Variants in ATG7 observed in about 807,000 individuals in gnomAD.
ATG7 encodes the protein autophagy related 7, also known as ubiquitin-like modifier-activating enzyme ATG7.
A neutral mutation model predicts 82.4 loss-of-function variants in ATG7; 70 were observed. The observed-to-expected ratio is 0.85, with a 90% CI of 0.70 to 1.04. The LOEUF is 1.04. Among genes scored for constraint, ATG7 ranks in the 50% least tolerant of loss-of-function variants. The pLI is 0.00. For missense variants in ATG7, 792 were observed against 864.3 expected (o/e 0.92, Z 1.05); for synonymous variants, 287 against 313.0 (o/e 0.92, Z 0.88).
intron 3 of ATG7, among the ~76,000 whole-genome samples, chr3:11,287,004 C>T (rs975102583): frequency 2.0e-5 from 3 of 152,114 alleles, no homozygotes; most frequent in Non-Finnish European, 4.4e-5. Flanking sequence ...TGCCCCCAAG[C>T]AGTCCTCCTG....
chr3:11,358,406 G>C lies in ATG7; in HGVS notation c.1285-12G>C, dbSNP rs751302304. ...TTGCTCCAGACATAACTACGTCCTG[G>C]TGTTTCCCTAGAATGCCAGAGGATT... On this transcript the variant is annotated splice_polypyrimidine_tract_variant and intron_variant, in intron 14 of 20. Coordinates refer to ENST00000693202, the MANE Select transcript of ATG7 (RefSeq NM_001349232.2). 1 of 1,609,010 alleles carries C rather than the reference G, an allele frequency of 6.2e-7. No homozygotes were observed.
the ATG7 span, among the ~76,000 whole-genome samples, chr3:11,574,783 A>ATGTGTGTGTGTG: frequency 2.0e-3 from 222 of 111,802 alleles, no homozygotes; most frequent in South Asian, 3.3e-3. Flanking sequence ...ATTCAACTAT[A>ATGTGTGTGTGTG]TATGTGTGTG....
chr3:11,440,673 G>GTTTTTTTTTTTTT (rs2083836620), intron 20 of ATG7, among the ~76,000 whole-genome samples: 1 of 32,708 alleles, frequency 3.1e-5, no homozygotes, highest in African/African-American at 1.1e-4. Context: ...GTCCCCATTT[G>GTTTTTTTTTTTTT]CTTTTTTTTT....
intron 19 of ATG7, among the ~76,000 whole-genome samples, chr3:11,406,015 A>T (rs2080302246): frequency 1.4e-5 from 2 of 140,172 alleles, no homozygotes; most frequent in African/African-American, 2.7e-5. Context: ...TTGTAGATGG[A>T]ATCTCACTCT....
At chr3:11,497,140 C>T (rs1302142136) in intron 20 of ATG7, among the ~76,000 whole-genome samples, 1 of 151,800 alleles carries the variant, frequency 6.6e-6, no homozygotes, top group East Asian at 1.9e-4. Context: ...AGTGAGCCCC[C>T]ACGCCCAGCC....
At chr3:11,515,973 G>A (rs1281283872) in intron 20 of ATG7, among the ~76,000 whole-genome samples, 1 of 151,768 alleles carries the variant, frequency 6.6e-6, no homozygotes, top group African/African-American at 2.4e-5. Context: ...TTTGTGGAAG[G>A]GCAGGGTAGA....
chr3:11,487,559 C>T (rs1436352073), intron 20 of ATG7, among the ~76,000 whole-genome samples: 2 of 3,422 alleles, frequency 5.8e-4, no homozygotes, highest in East Asian at 0.012. Context: ...CGCCCCTCAC[C>T]TCCCAGACGG....
chr3:11,372,835 TGC>T (rs1559490492), intron 18 of ATG7, among the ~76,000 whole-genome samples: 9 of 87,198 alleles, frequency 1.0e-4, no homozygotes, highest in East Asian at 3.3e-4. Flanking sequence ...TGCGTGTGTG[TGC>T]GTGCGTGCGT....
chr3:11,499,257 TCTATC>T (rs67085849), intron 20 of ATG7, among the ~76,000 whole-genome samples: 126,525 of 151,554 alleles, frequency 0.83, 52,984 homozygotes, highest in East Asian at 1. Flanking sequence ...GCCACATTCC[TCTATC>T]CTTTCCTGTT....
chr3:11,375,900 G>A (rs1490859309), intron 18 of ATG7, among the ~76,000 whole-genome samples: 1 of 152,192 alleles, frequency 6.6e-6, no homozygotes, highest in Admixed American at 6.5e-5. Flanking sequence ...CAAGTTGGCA[G>A]TTCCTCAAAA....
chr3:11,554,672 A>G, intron 20 of ATG7, 139 bp from the exon 21 acceptor site: 1 of 1,045,634 alleles, frequency 9.6e-7, no homozygotes, highest in Non-Finnish European at 1.4e-6. Context: ...TTGTACAGAA[A>G]TGGGGTGACA....
In ATG7 at chr3:11,518,199, A is replaced by G. The variant is rs147761036; in HGVS notation, c.2080-36612A>G. Among the ~76,000 whole-genome samples the G allele has an allele frequency of 7.0e-4, 107 of 152,182 alleles. 1 individual carries two copies. Among genetic ancestry groups the G allele is most frequent in the African/African-American group, 2.5e-3 (104 of 41,532 alleles). On this transcript the variant is annotated intron_variant, in intron 20 of 20. Transcript: ENST00000693202. Reference sequence around the variant, plus strand: ...AAAAGGGAAATAGAGCTAGAAAGTTAATTAGAACCATGCTGTGAGGATACT... The same window carrying G: ...AAAAGGGAAATAGAGCTAGAAAGTTGATTAGAACCATGCTGTGAGGATACT...
At chr3:11,494,367 C>T (rs969844894) in intron 20 of ATG7, among the ~76,000 whole-genome samples, 3 of 152,166 alleles carry the variant, frequency 2.0e-5, no homozygotes, top group Non-Finnish European at 4.4e-5. Context: ...CTCCTTGATA[C>T]CATCTGGGTA....
At chr3:11,558,314 G>C, downstream of ATG7, 1 of 627,848 alleles carries the variant, frequency 1.6e-6, no homozygotes, top group South Asian at 2.5e-5. Context: ...CAGGAAGTAA[G>C]GATGCTACAT....
intron 20 of ATG7, among the ~76,000 whole-genome samples, chr3:11,504,651 G>A (rs765596123): frequency 1.3e-5 from 2 of 152,330 alleles, no homozygotes; most frequent in South Asian, 4.1e-4. Flanking sequence ...TATTTAGGAG[G>A]TTTAGACAGT....
chr3:11,573,249 A>AG, the ATG7 span, among the ~76,000 whole-genome samples: 2 of 34,354 alleles, frequency 5.8e-5, no homozygotes, highest in African/African-American at 1.5e-4. Flanking sequence ...GAAATAGAGA[A>AG]AGAAAGAAAG....
chr3:11,569,672 A>C, the ATG7 span, among the ~76,000 whole-genome samples: 3,923 of 152,318 alleles, frequency 0.026, 74 homozygotes, highest in South Asian at 0.055. Flanking sequence ...AGAATCCGAC[A>C]TCTGAGAACT....
chr3:11,427,608 G>C (rs2082481606), intron 20 of ATG7, among the ~76,000 whole-genome samples: 1 of 151,808 alleles, frequency 6.6e-6, no homozygotes, highest in Admixed American at 6.6e-5. Flanking sequence ...ACAAGGTCAG[G>C]AGTTTGAGAC....
rs2076482855 is a variant in ATG7 at position 11,364,653 on chromosome 3, C to T, written c.1800-6C>T. The T allele has an allele frequency of 1.2e-6, 2 of 1,613,952 alleles. No individual in the cohort carries two copies. The highest frequency in any genetic ancestry group is 1.7e-5 in the Admixed American group (1 of 59,996). ...ATGAGCAGCTCTGATTGTTTCCTGT[C>T]CTCAGGGGCTATGCCATTGCCAGCA... On this transcript the variant is annotated splice_region_variant and splice_polypyrimidine_tract_variant and intron_variant, in intron 17 of 20. Coordinates refer to ENST00000693202, the MANE Select transcript of ATG7 (RefSeq NM_001349232.2).
Sources: gnomAD v4.1 joint callset for allele counts (sites outside exome capture counted in the v4.1 genomes callset) on GRCh38, gnomAD v4.1.1 for gene constraint, MANE v1.5 for transcripts, NCBI Gene and HGNC (gene_info 2026-07-23, HGNC 2026-07-21) for gene names.